Variants in ESRRG observed in about 807,000 individuals in gnomAD.
ESRRG encodes estrogen-related receptor gamma.
In ESRRG, 13 loss-of-function variants were observed where a neutral mutation model predicts 44.0. The ratio of observed to expected loss-of-function variants is 0.30; its 90% CI spans 0.19 to 0.47. The LOEUF is 0.47. ESRRG is among the 20% of genes least tolerant of loss of function. The pLI is 1.00. For missense variants in ESRRG, 395 were observed against 580.6 expected, an observed-to-expected ratio of 0.68 and a Z score of 3.29; for synonymous variants, 215 against 214.6, an observed-to-expected ratio of 1.00 and a Z score of -0.02.
At chr1:216,872,951 T>C (rs928710417) in intron 2 of ESRRG, among the ~76,000 whole-genome samples, 2 of 152,190 alleles carry the variant, frequency 1.3e-5, no homozygotes, top group African/African-American at 4.8e-5. Context: ...ATACTTTTGT[T>C]TTACCAACCA....
intron 2 of ESRRG, among the ~76,000 whole-genome samples, chr1:216,800,632 G>C (rs2094586507): frequency 6.6e-6 from 1 of 152,114 alleles, no homozygotes; most frequent in African/African-American, 2.4e-5. Context: ...AATTACTTTT[G>C]TGCCAGAAGC....
chr1:216,566,966 A>T (rs182733968), intron 4 of ESRRG, among the ~76,000 whole-genome samples: 1 of 152,284 alleles, frequency 6.6e-6, no homozygotes, highest in Non-Finnish European at 1.5e-5. Context: ...ACAGATTTCC[A>T]TATGCTCACA....
chr1:217,111,744 A>AGAGT (rs2092663700), intron 1 of ESRRG, among the ~76,000 whole-genome samples: 1 of 152,138 alleles, frequency 6.6e-6, no homozygotes, highest in South Asian at 2.1e-4. Flanking sequence ...TCTCCCTGGG[A>AGAGT]GAGTGGTAGT....
At chr1:216,655,355 A>C (rs1232813223) in intron 2 of ESRRG, among the ~76,000 whole-genome samples, 1 of 152,202 alleles carries the variant, frequency 6.6e-6, no homozygotes, top group Non-Finnish European at 1.5e-5. Flanking sequence ...TTCAGGATGC[A>C]GTACTGGCGT....
intron 1 of ESRRG, among the ~76,000 whole-genome samples, chr1:217,011,398 T>C (rs910729880): frequency 6.6e-6 from 1 of 152,176 alleles, no homozygotes; most frequent in Non-Finnish European, 1.5e-5. Flanking sequence ...TTGGAGCTAG[T>C]CTGAGTGGTG....
intron 2 of ESRRG, among the ~76,000 whole-genome samples, chr1:216,926,110 A>G (rs574519369): frequency 6.6e-6 from 1 of 152,316 alleles, no homozygotes; most frequent in Admixed American, 6.5e-5. Flanking sequence ...GGATGGATGG[A>G]CCAGTGTTTT....
At chr1:216,890,390 A>G (rs995102837) in intron 2 of ESRRG, among the ~76,000 whole-genome samples, 3 of 152,202 alleles carry the variant, frequency 2.0e-5, no homozygotes, top group African/African-American at 7.2e-5. Context: ...ACTTTGATAG[A>G]TTAATGAGCC....
intron 2 of ESRRG, among the ~76,000 whole-genome samples, chr1:216,927,185 C>T (rs1423783808): frequency 1.3e-5 from 2 of 152,160 alleles, no homozygotes; most frequent in African/African-American, 2.4e-5. Flanking sequence ...TTTCTAAGTA[C>T]ATGAATAGTG....
chr1:216,804,704 A>G (rs1283191536), intron 2 of ESRRG, among the ~76,000 whole-genome samples: 1 of 152,050 alleles, frequency 6.6e-6, no homozygotes. Context: ...AAGTTCATGC[A>G]AAAGGATCAT....
rs1412202677 is a variant in ESRRG at position 217,052,551 on chromosome 1, C to T, written c.-106+36956G>A. Reference sequence around the variant, plus strand: ...TCTTTCTAAAAGGATCTAAGAGAGACCTAGGTGTTCAGAACCAGGAATTTA... The same window carrying T: ...TCTTTCTAAAAGGATCTAAGAGAGATCTAGGTGTTCAGAACCAGGAATTTA... On this transcript the variant is annotated intron_variant, in intron 1 of 7. Transcript: ENST00000359162. 2.0e-4 allele frequency among the ~76,000 whole-genome samples: 31 copies of T among 152,290 alleles called. 1 individual carries two copies. The highest frequency in any genetic ancestry group is 1.5e-5 in the Non-Finnish European group (1 of 68,028).
At chr1:216,835,569 G>C (rs2095551791) in intron 2 of ESRRG, among the ~76,000 whole-genome samples, 2 of 152,160 alleles carry the variant, frequency 1.3e-5, no homozygotes, top group African/African-American at 2.4e-5. Context: ...TAGAAATACG[G>C]AGTCCTTCTC....
chr1:217,027,525 C>A (rs1478327852), intron 1 of ESRRG, among the ~76,000 whole-genome samples: 1 of 152,088 alleles, frequency 6.6e-6, no homozygotes, highest in African/African-American at 2.4e-5. Context: ...CAGTTAGCAA[C>A]ACAATTATGT....
At chr1:216,620,850 T>C (rs2062111647) in intron 3 of ESRRG, among the ~76,000 whole-genome samples, 1 of 152,204 alleles carries the variant, frequency 6.6e-6, no homozygotes, top group Non-Finnish European at 1.5e-5. Flanking sequence ...TTCTCTGTTT[T>C]AAGAAAATAG....
intron 2 of ESRRG, among the ~76,000 whole-genome samples, chr1:216,741,233 T>TA (rs1213471210): frequency 6.8e-6 from 1 of 146,798 alleles, no homozygotes; most frequent in Non-Finnish European, 1.5e-5. Flanking sequence ...TAATTTATAT[T>TA]TATAATTTAT....
At chr1:216,937,329 C>A (rs1437130715) in intron 2 of ESRRG, among the ~76,000 whole-genome samples, 6 of 151,970 alleles carry the variant, frequency 3.9e-5, no homozygotes, top group Non-Finnish European at 8.8e-5. Context: ...TAGGCTTGAA[C>A]AATTTTTTCT....
chr1:217,090,865 A>T (rs1260075088), upstream of ESRRG, among the ~76,000 whole-genome samples: 2 of 152,332 alleles, frequency 1.3e-5, no homozygotes, highest in Middle Eastern at 3.4e-3. Context: ...TGTTATTTTT[A>T]TAATTATGCT....
intron 3 of ESRRG, among the ~76,000 whole-genome samples, chr1:216,609,463 T>C (rs2060336678): frequency 6.6e-6 from 1 of 152,206 alleles, no homozygotes; most frequent in Admixed American, 6.5e-5. Flanking sequence ...TGCCACGGCT[T>C]CTGCAGCAGA....
intron 1 of ESRRG, among the ~76,000 whole-genome samples, chr1:216,954,488 A>G (rs1190588995): frequency 6.6e-6 from 1 of 152,158 alleles, no homozygotes; most frequent in Admixed American, 6.6e-5. Flanking sequence ...GGCCTCTTCT[A>G]GGGAAACAAG....
intron 1 of ESRRG, among the ~76,000 whole-genome samples, chr1:217,086,485 C>G (rs1373213554): frequency 3.9e-5 from 6 of 152,126 alleles, no homozygotes; most frequent in Admixed American, 3.9e-4. Flanking sequence ...CGCATCATTT[C>G]TGATGTGTAC....
Sources: allele counts gnomAD v4.1 joint callset (sites outside exome capture counted in the v4.1 genomes callset), GRCh38; gene constraint gnomAD v4.1.1; transcripts MANE v1.5; gene names NCBI Gene and HGNC (gene_info 2026-07-23, HGNC 2026-07-21).